Variants in SMAD2 observed in about 807,000 individuals in gnomAD.
SMAD2 encodes the protein SMAD family member 2, also known as MAD homolog 2.
SMAD2 carries 8 observed loss-of-function variants against 64.4 expected under a neutral mutation model. That is an observed-to-expected ratio of 0.12 (90% CI 0.07 to 0.22). The LOEUF is 0.22. Ranked by LOEUF, SMAD2 falls within the 10% of genes least tolerant of loss-of-function variation. SMAD2 has a pLI of 1.00. For missense variants in SMAD2, 289 were observed against 561.2 expected (o/e 0.51, Z 4.90); for synonymous variants, 203 against 195.8 (o/e 1.04, Z -0.31).
Position 47,841,027 on chromosome 18 carries a change from CT to C in SMAD2, c.*799del, listed in dbSNP as rs1913892125. The C allele has an allele frequency of 4.3e-6, 1 of 231,972 alleles. No individual in the cohort carries two copies. The highest frequency in any genetic ancestry group is 1.8e-4 in the South Asian group (1 of 5,518). The allele number at this position is 231,972 out of a possible 1,614,324, so 14.4% of individuals were successfully genotyped here. ...ACTGGTGCCAGCAGTATCAATGCAA[CT>C]ATTACTGGTGATGATGTCATGTTAT... On this transcript the variant is annotated 3_prime_UTR_variant, in exon 11 of 11. Coordinates refer to ENST00000262160, the MANE Select transcript of SMAD2 (RefSeq NM_005901.6).
chr18:47,887,702 T>C (rs2032984532), intron 2 of SMAD2, among the ~76,000 whole-genome samples: 1 of 152,208 alleles, frequency 6.6e-6, no homozygotes, highest in Non-Finnish European at 1.5e-5. Context: ...CCTTTCTTCA[T>C]TCTACCGATA....
In SMAD2 at chr18:47,848,420, C is replaced by T. The variant is rs555697224; in HGVS notation, c.997+55G>A. 64 of 1,314,280 alleles carry T rather than the reference C, an allele frequency of 4.9e-5. No homozygotes were observed. The South Asian group carries it at 7.0e-4, about 14-fold the overall frequency. The allele number at this position is 1,314,280 out of a possible 1,614,324, so 81.4% of individuals were successfully genotyped here. On this transcript the variant is annotated intron_variant, in intron 8 of 10. Coordinates refer to ENST00000262160, the MANE Select transcript of SMAD2 (RefSeq NM_005901.6). ...TCTTGATGTGGCACACCATGCAATG[C>T]CTACATTATGAGTATACAGCATTTA...
chr18:47,827,781 G>A lies in SMAD2; in HGVS notation c.*14046C>T, dbSNP rs890886533. The A allele has an allele frequency of 3.7e-5, 7 of 187,000 alleles. No homozygotes were observed. Among genetic ancestry groups the A allele is most frequent in the Non-Finnish European group, 6.5e-5 (6 of 92,692 alleles). The allele number at this position is 187,000 out of a possible 1,614,324, so 11.6% of individuals were successfully genotyped here. A position where few individuals can be genotyped will look rare whatever the true frequency, so the allele number is the denominator to read the frequency against. ...GCAGATGGAGTCTCGCTCACTCAGT[G>A]CTCAATGTTGCCCAGGCTGGAGTGC... On this transcript the variant is annotated 3_prime_UTR_variant, in exon 11 of 11. Transcript: ENST00000262160.
rs892384292 is a variant in SMAD2, at chr18:47,825,220, G to C, written c.*16607C>G. 1 of 152,216 alleles carries C rather than the reference G, an allele frequency of 6.6e-6. No homozygotes were observed. Among genetic ancestry groups the C allele is most frequent in the Non-Finnish European group, 1.5e-5 (1 of 68,036 alleles). 9.4% of individuals were successfully genotyped at this position (152,216 alleles called of 1,614,324 possible). On this transcript the variant is annotated 3_prime_UTR_variant, in exon 11 of 11. Coordinates refer to ENST00000262160, the MANE Select transcript of SMAD2 (RefSeq NM_005901.6). ...ATTAAGTTACCTGAACATTTGGGTA[G>C]AAATACTGAGCACTGCTATGGTCTG... is the stretch of plus-strand genomic sequence containing the variant.
At chr18:47,864,053 T>C (rs1224209326) in intron 6 of SMAD2, among the ~76,000 whole-genome samples, 1 of 152,188 alleles carries the variant, frequency 6.6e-6, no homozygotes, top group Non-Finnish European at 1.5e-5. Context: ...CAGTAACAGC[T>C]GTCCATCACA....
rs529936766 is a variant in SMAD2 at position 47,834,812 on chromosome 18, G to C, written c.*7015C>G. 32 of 218,712 alleles carry C rather than the reference G, an allele frequency of 1.5e-4. 1 individual carries two copies. The South Asian group carries it at 5.5e-3, about 38-fold the overall frequency. 13.5% of individuals were successfully genotyped at this position (218,712 alleles called of 1,614,324 possible). The stretch of plus-strand genomic sequence containing the variant: ...GTATTCTCTTTTTGCAATTAATCCA[G>C]TTTTGTATGTCTTTTCTTTCTTTTT... On this transcript the variant is annotated 3_prime_UTR_variant, in exon 11 of 11. Transcript: ENST00000262160.
intron 2 of SMAD2, among the ~76,000 whole-genome samples, chr18:47,893,709 G>A (rs1422160436): frequency 6.6e-6 from 1 of 152,078 alleles, no homozygotes; most frequent in African/African-American, 2.4e-5. Context: ...GTTAAGAAAT[G>A]ACTAATAACC....
intron 1 of SMAD2, among the ~76,000 whole-genome samples, chr18:47,916,531 A>T (rs555728058): frequency 2.0e-5 from 3 of 151,900 alleles, no homozygotes; most frequent in Middle Eastern, 3.4e-3. Flanking sequence ...CAGCCACCTG[A>T]TTAGCTGGGA....
At chr18:47,902,456 G>C (rs1391456442) in intron 1 of SMAD2, among the ~76,000 whole-genome samples, 1 of 152,082 alleles carries the variant, frequency 6.6e-6, no homozygotes, top group Non-Finnish European at 1.5e-5. Flanking sequence ...GAAATAATTT[G>C]TTGATGACTT....
At chr18:47,901,223 ACT>A (rs1598863928) in intron 1 of SMAD2, among the ~76,000 whole-genome samples, 1 of 152,110 alleles carries the variant, frequency 6.6e-6, no homozygotes, top group Non-Finnish European at 1.5e-5. Context: ...GATTGTGGTA[ACT>A]CTGGTGGATC....
chr18:47,906,947 C>T (rs1301783500), intron 1 of SMAD2, among the ~76,000 whole-genome samples: 1 of 152,070 alleles, frequency 6.6e-6, no homozygotes, highest in Non-Finnish European at 1.5e-5. Flanking sequence ...ATCTCTCCAT[C>T]TCAAGATCCT....
rs1913883485 is a variant in SMAD2, at chr18:47,840,945, T to G, written c.*882A>C. The stretch of plus-strand genomic sequence containing the variant: ...ACAAGCCAATTATTCCTGTTGAAAT[T>G]TGGGCATAAGACAAAGGGACTTTCT... On this transcript the variant is annotated 3_prime_UTR_variant, in exon 11 of 11. Transcript: ENST00000262160. 4.3e-6 allele frequency: 1 copy of G among 232,406 alleles called. No individual in the cohort carries two copies. 14.4% of individuals were successfully genotyped at this position (232,406 alleles called of 1,614,324 possible).
At position 47,828,802 on chromosome 18, in the gene SMAD2, C is replaced by G. The variant is rs896685643; in HGVS notation, c.*13025G>C. 2.8e-5 allele frequency: 5 copies of G among 177,008 alleles called. No homozygotes were observed. The highest frequency in any genetic ancestry group is 1.2e-4 in the African/African-American group (5 of 41,664). The allele number at this position is 177,008 out of a possible 1,614,324, so 11.0% of individuals were successfully genotyped here. On this transcript the variant is annotated 3_prime_UTR_variant, in exon 11 of 11. Transcript: ENST00000262160. Reference sequence around the variant, plus strand: ...CAGGGACACAAACACTGCAGAAGGCCGCAGGGTCCTCTGCCTAGGAAAACC... The same window carrying G: ...CAGGGACACAAACACTGCAGAAGGCGGCAGGGTCCTCTGCCTAGGAAAACC...
At chr18:47,919,904 C>T (rs530858072) in intron 1 of SMAD2, among the ~76,000 whole-genome samples, 4 of 152,194 alleles carry the variant, frequency 2.6e-5, no homozygotes, top group Non-Finnish European at 5.9e-5. Context: ...GTATGGATTT[C>T]TTTAGACCAG....
intron 1 of SMAD2, among the ~76,000 whole-genome samples, chr18:47,900,487 T>C (rs1300014689): frequency 6.6e-6 from 1 of 152,144 alleles, no homozygotes; most frequent in African/African-American, 2.4e-5. Context: ...AAATTTATGT[T>C]CTCTCTCCCC....
chr18:47,819,464 A>T lies in SMAD2; in HGVS notation c.*22363T>A, dbSNP rs940058069. ...AACAGGAAAATAACTTGAAATGACT[A>T]GCTATGTCTAATATCTCAGTTTTTA... On this transcript the variant is annotated 3_prime_UTR_variant, in exon 11 of 11. Coordinates refer to ENST00000262160, the MANE Select transcript of SMAD2 (RefSeq NM_005901.6). 2 of 152,238 alleles carry T rather than the reference A, an allele frequency of 1.3e-5. No individual in the cohort carries two copies. The highest frequency in any genetic ancestry group is 1.3e-4 in the Admixed American group (2 of 15,288). 9.4% of individuals were successfully genotyped at this position (152,238 alleles called of 1,614,324 possible). A position where few individuals can be genotyped will look rare whatever the true frequency, so the allele number is the denominator to read the frequency against.
chr18:47,874,890 A>C (rs1187530696), intron 2 of SMAD2, among the ~76,000 whole-genome samples: 1 of 152,074 alleles, frequency 6.6e-6, no homozygotes, highest in African/African-American at 2.4e-5. Context: ...CTTTCACCAA[A>C]ATTGTAAAAA....
intron 6 of SMAD2, among the ~76,000 whole-genome samples, chr18:47,857,763 C>A (rs979950222): frequency 6.6e-6 from 1 of 152,130 alleles, no homozygotes; most frequent in Non-Finnish European, 1.5e-5. Flanking sequence ...CATGCACAGA[C>A]GACAGGAATC....
At chr18:47,848,724 G>A (rs764636224) in intron 7 of SMAD2, 37 bp from the exon 8 acceptor site, 2 of 1,404,188 alleles carry the variant, frequency 1.4e-6, no homozygotes, top group Non-Finnish European at 2.0e-6. Context: ...ATAAAAGGAA[G>A]AAATGCGTGA....
Sources: gnomAD v4.1 joint callset for allele counts (sites outside exome capture counted in the v4.1 genomes callset) on GRCh38, gnomAD v4.1.1 for gene constraint, MANE v1.5 for transcripts, NCBI Gene and HGNC (gene_info 2026-07-23, HGNC 2026-07-21) for gene names.